Variants in PCDHGB2 observed in about 807,000 individuals in gnomAD.
PCDHGB2 encodes the protein protocadherin gamma-B2.
Under a neutral mutation model 59.3 loss-of-function variants are expected in PCDHGB2, and 55 were observed. The observed-to-expected ratio is 0.93, with a 90% CI of 0.75 to 1.16. PCDHGB2 has a LOEUF of 1.16. Among genes scored for constraint, PCDHGB2 ranks in the 50% most tolerant of loss-of-function variants. The pLI, the probability that PCDHGB2 is intolerant of heterozygous loss-of-function variation, is 0.00. For synonymous variants in PCDHGB2, 516 were observed against 512.0 expected (o/e 1.01, Z -0.11); for missense variants, 1,228 against 1,198.5 (o/e 1.02, Z -0.36).
At chr5:141,448,139 C>A (rs1486636157) in intron 1 of PCDHGB2, among the ~76,000 whole-genome samples, 1 of 151,884 alleles carries the variant, frequency 6.6e-6, no homozygotes, top group African/African-American at 2.4e-5. Context: ...CCTCACTATA[C>A]CTCAGACTCA....
intron 1 of PCDHGB2, among the ~76,000 whole-genome samples, chr5:141,455,959 G>T (rs112864392): frequency 0.11 from 16,680 of 150,504 alleles, 1,459 homozygotes; most frequent in African/African-American, 0.24. Context: ...GTGCAGTGGC[G>T]CGATCTCAGC....
At chr5:141,374,172 A>G (rs1770228418) in intron 1 of PCDHGB2, 1 of 1,613,330 alleles carries the variant, frequency 6.2e-7, no homozygotes, top group Non-Finnish European at 8.5e-7. Context: ...GCGGCAGCGC[A>G]GATCCGCTAC....
In PCDHGB2 at chr5:141,362,283, A is replaced by G. The variant is rs758529550; in HGVS notation, c.2148A>G (p.Arg716=). 15 of 1,612,776 alleles carry G rather than the reference A, an allele frequency of 9.3e-6. No individual in the cohort carries two copies. In the Admixed American group the frequency reaches 1.8e-4, roughly 20 times the overall value. The change falls in exon 1 of 4, where the codon CGA becomes CGG. Residue 716 remains arginine, a synonymous_variant. Transcript: ENST00000522605. ...AVILAISLRL[R]LSSRSDAWDC... ...TTCTGGCAATCTCCCTGCGCCTGCG[A>G]CTCTCTTCCAGGTCAGATGCTTGGG...
chr5:141,467,203 C>T (rs896621746), intron 1 of PCDHGB2, among the ~76,000 whole-genome samples: 1 of 152,052 alleles, frequency 6.6e-6, no homozygotes, highest in African/African-American at 2.4e-5. Flanking sequence ...CAGGCACATG[C>T]CACCATGCCT....
At chr5:141,371,687 G>T in intron 1 of PCDHGB2, 1 of 1,614,014 alleles carries the variant, frequency 6.2e-7, no homozygotes, top group Non-Finnish European at 8.5e-7. Flanking sequence ...GCAATCCACC[G>T]CTCTCCTCCA....
At chr5:141,449,369 G>A (rs561017816) in intron 1 of PCDHGB2, among the ~76,000 whole-genome samples, 4 of 152,068 alleles carry the variant, frequency 2.6e-5, no homozygotes, top group South Asian at 4.2e-4. Flanking sequence ...CACTTTGGGA[G>A]GCTGAGGCAG....
chr5:141,497,544 T>C (rs1410779650), intron 2 of PCDHGB2, among the ~76,000 whole-genome samples: 4 of 150,796 alleles, frequency 2.7e-5, no homozygotes, highest in African/African-American at 9.8e-5. Flanking sequence ...ACAAACCTTT[T>C]TTTTTTTTTT....
At chr5:141,473,002 GAA>G (rs2099311273) in intron 1 of PCDHGB2, among the ~76,000 whole-genome samples, 1 of 143,872 alleles carries the variant, frequency 7.0e-6, no homozygotes, top group East Asian at 2.0e-4. Flanking sequence ...AAAAAAGAAA[GAA>G]AAAGAAAAAG....
In PCDHGB2 at chr5:141,512,237, G is replaced by A. The variant is rs2099884134; in HGVS notation, c.*1064G>A. ...AGGACCAGGTCCCCTTGAGAGGTCA[G>A]AGGGGCCTCTGTGGGTGCTGGGTAC... On this transcript the variant is annotated 3_prime_UTR_variant, in exon 4 of 4. Transcript: ENST00000522605. 1 of 152,774 alleles carries A rather than the reference G, an allele frequency of 6.5e-6. No homozygotes were observed. The highest frequency in any genetic ancestry group is 1.5e-5 in the Non-Finnish European group (1 of 68,148). The allele number at this position is 152,774 out of a possible 1,614,324, so 9.5% of individuals were successfully genotyped here.
chr5:141,446,623 TGC>T (rs1310809206), intron 1 of PCDHGB2, among the ~76,000 whole-genome samples: 1 of 152,014 alleles, frequency 6.6e-6, no homozygotes, highest in African/African-American at 2.4e-5. Flanking sequence ...ACTACAGGCG[TGC>T]ACCACCACGC....
Position 141,489,492 on chromosome 5 carries a change from G to T in PCDHGB2, c.2422-5315G>T, listed in dbSNP as rs1258376136. On this transcript the variant is annotated intron_variant, in intron 1 of 3. Coordinates refer to ENST00000522605, the MANE Select transcript of PCDHGB2 (RefSeq NM_018923.3). The surrounding 1 kb of genome is among the most constrained non-coding windows in gnomAD (Gnocchi z 4.5). ...CCCTGAGCTTGATGAGTGGTGCCCT[G>T]GCAGTGAATCAAAAGATTGACCGAG... 1 of 1,614,042 alleles carries T rather than the reference G, an allele frequency of 6.2e-7. No individual in the cohort carries two copies. The highest frequency in any genetic ancestry group is 1.1e-5 in the South Asian group (1 of 91,078).
At chr5:141,451,673 G>A (rs912482749) in intron 1 of PCDHGB2, among the ~76,000 whole-genome samples, 4 of 152,164 alleles carry the variant, frequency 2.6e-5, no homozygotes, top group African/African-American at 7.2e-5. Context: ...CTTGAGCCCA[G>A]GAGTTCAAGA....
chr5:141,490,080 T>A lies in PCDHGB2; in HGVS notation c.2422-4727T>A, dbSNP rs2099695881. On this transcript the variant is annotated intron_variant, in intron 1 of 3. Coordinates refer to ENST00000522605, the MANE Select transcript of PCDHGB2 (RefSeq NM_018923.3). The surrounding 1 kb of genome is among the most constrained non-coding windows in gnomAD (Gnocchi z 5.4). ...GCACCAACGGCCAACTAGACTATTCTTTTGGAGACCACACATCTGAGGCAG... is the reference window on the plus strand; with the variant it reads ...GCACCAACGGCCAACTAGACTATTCATTTGGAGACCACACATCTGAGGCAG... The A allele has an allele frequency of 6.2e-7, 1 of 1,614,246 alleles. No homozygotes were observed. The highest frequency in any genetic ancestry group is 2.2e-5 in the East Asian group (1 of 44,884).
intron 1 of PCDHGB2, chr5:141,410,680 G>A: frequency 6.5e-7 from 1 of 1,535,692 alleles, no homozygotes; most frequent in Non-Finnish European, 8.7e-7. Flanking sequence ...TCATATTTTA[G>A]GCATACTACT....
intron 1 of PCDHGB2, chr5:141,383,450 G>A: frequency 6.2e-7 from 1 of 1,613,960 alleles, no homozygotes; most frequent in Non-Finnish European, 8.5e-7. Context: ...GCTGTGCAAA[G>A]TGGAGACGAT....
chr5:141,418,848 G>T (rs770294020), intron 1 of PCDHGB2: 1 of 1,613,954 alleles, frequency 6.2e-7, no homozygotes, highest in Non-Finnish European at 8.5e-7. Flanking sequence ...CTCTCAACAC[G>T]GTGTAAAGTA....
In PCDHGB2 at chr5:141,487,801, A is replaced by G. The variant is rs895741843; in HGVS notation, c.2422-7006A>G. The G allele has an allele frequency of 1.0e-5, 15 of 1,479,820 alleles. No individual in the cohort carries two copies. The highest frequency in any genetic ancestry group is 2.7e-6 in the Non-Finnish European group (3 of 1,095,672). The allele number at this position is 1,479,820 out of a possible 1,614,324, so 91.7% of individuals were successfully genotyped here. On this transcript the variant is annotated intron_variant, in intron 1 of 3. Coordinates refer to ENST00000522605, the MANE Select transcript of PCDHGB2 (RefSeq NM_018923.3). The surrounding 1 kb of genome is among the most constrained non-coding windows in gnomAD (Gnocchi z 5.0). ...GTTTCGTGAATTAACCAGAGTTGTC[A>G]CAGTTTAGCATTGGGGGCGGGTCAT... is the stretch of plus-strand genomic sequence containing the variant.
chr5:141,417,766 C>T (rs564920153), intron 1 of PCDHGB2: 7 of 1,442,472 alleles, frequency 4.9e-6, no homozygotes, highest in African/African-American at 4.3e-5. Context: ...AGACCCGGGA[C>T]TCCTCCTGTC....
chr5:141,427,743 T>A, intron 1 of PCDHGB2: 5 of 1,249,166 alleles, frequency 4.0e-6, no homozygotes, highest in Non-Finnish European at 5.8e-6. Context: ...CCAAGTCTCC[T>A]ACTCCATCGT....
Sources: gnomAD v4.1 joint callset for allele counts (sites outside exome capture counted in the v4.1 genomes callset) on GRCh38, gnomAD v4.1.1 for gene constraint, Gnocchi (gnomAD v3.1) non-coding constraint, MANE v1.5 for transcripts, NCBI Gene and HGNC (gene_info 2026-07-23, HGNC 2026-07-21) for gene names.